The following PMS2 variants were observed in gnomAD, a reference collection of about 807,000 sequenced individuals.
PMS2 encodes the protein mismatch repair endonuclease PMS2.
Under a neutral mutation model 90.0 loss-of-function variants are expected in PMS2, and 69 were observed. That is an observed-to-expected ratio of 0.77 (90% confidence interval 0.63 to 0.94). The LOEUF (loss-of-function observed/expected upper bound fraction) is 0.94. Ranked by LOEUF, PMS2 falls within the 40% of genes least tolerant of loss-of-function variation. The pLI, the probability that PMS2 is intolerant of heterozygous loss-of-function variation, is 0.00. For missense variants in PMS2, 966 were observed against 1,040.2 expected (o/e 0.93, Z 0.98); for synonymous variants, 332 against 375.1 (o/e 0.89, Z 1.33).
At position 5,987,541 on chromosome 7, in the gene PMS2, A is replaced by G. The variant is rs1554298007; in HGVS notation, c.1224T>C (p.Thr408=). ...EKQDQSPSLR[T]GEEKKDVSIS... is the part of the protein sequence containing the mutation. ...TGGACACGTCTTTTTTTTCTTCTCC[A>G]GTCCTTAATGAAGGGGATTGATCCT... The change falls in exon 11 of 15, where the codon ACT becomes ACC. Residue 408 remains threonine (T), a synonymous_variant. Transcript: ENST00000265849. The G allele has an allele frequency of 1.9e-6, 3 of 1,614,024 alleles. No homozygotes were observed. The highest frequency in any genetic ancestry group is 1.7e-6 in the Non-Finnish European group (2 of 1,179,992).
intron 11 of PMS2, among the ~76,000 whole-genome samples, 162 bp downstream of exon 11, chr7:5,986,597 C>T (rs532791288): frequency 3.6e-4 from 54 of 150,700 alleles, no homozygotes; most frequent in African/African-American, 1.2e-3. Context: ...GAGGCTGAGG[C>T]AGGAGAAACG....
intron 6 of PMS2, among the ~76,000 whole-genome samples, chr7:5,998,399 A>C (rs1784672923): frequency 6.7e-6 from 1 of 149,692 alleles, no homozygotes; most frequent in African/African-American, 2.4e-5. Flanking sequence ...GCACTTTAAA[A>C]ATCAATTCTT....
chr7:5,995,978 A>G (rs1784353759), intron 7 of PMS2, among the ~76,000 whole-genome samples: 1 of 152,024 alleles, frequency 6.6e-6, no homozygotes, highest in Non-Finnish European at 1.5e-5. Flanking sequence ...CCGTGCTGCC[A>G]CCCCTGGTTT....
rs1035928436 is a variant in PMS2, at chr7:6,006,107, G to A, written c.24-76C>T. The A allele has an allele frequency of 1.4e-4, 203 of 1,481,546 alleles. 1 individual carries two copies. In the Admixed American group the frequency reaches 3.3e-3, roughly 24 times the overall value. 91.8% of individuals were successfully genotyped at this position (1,481,546 alleles called of 1,614,324 possible). ...CATCCTGATTTTAACTGTGGGAAATGACTCAACACTGTAAATAATTTATGG... is the reference window on the plus strand; with the variant it reads ...CATCCTGATTTTAACTGTGGGAAATAACTCAACACTGTAAATAATTTATGG... On this transcript the variant is annotated intron_variant, in intron 1 of 14. Coordinates refer to ENST00000265849, the MANE Select transcript of PMS2 (RefSeq NM_000535.7).
At chr7:5,977,093 C>T (rs1173222139) in intron 14 of PMS2, among the ~76,000 whole-genome samples, 1 of 150,280 alleles carries the variant, frequency 6.7e-6, no homozygotes, top group Non-Finnish European at 1.5e-5. Flanking sequence ...CTCGCTCTGT[C>T]GCCCAGGTTG....
Position 5,973,200 on chromosome 7 carries a change from T to C in PMS2, c.*199A>G, listed in dbSNP as rs1781458845. ...GCCTGGACACACACACACGAGCGCA[T>C]GCAAACATAGAGAAAAAAAATTTGC... On this transcript the variant is annotated 3_prime_UTR_variant, in exon 15 of 15. Coordinates refer to ENST00000265849, the MANE Select transcript of PMS2 (RefSeq NM_000535.7). The C allele has an allele frequency of 1.0e-5, 5 of 488,738 alleles. 1 individual carries two copies. The highest frequency in any genetic ancestry group is 1.1e-5 in the Non-Finnish European group (3 of 266,050). The allele number at this position is 488,738 out of a possible 1,614,324, so 30.3% of individuals were successfully genotyped here.
At chr7:5,997,208 C>T (rs939154222) in intron 7 of PMS2, 118 bp downstream of exon 7, 52 of 679,636 alleles carry the variant, frequency 7.7e-5, no homozygotes, top group East Asian at 6.0e-4. Flanking sequence ...AGCAAGACTC[C>T]GTCTCAAGAA....
Position 5,991,978 on chromosome 7 carries a change from T to C in PMS2, c.983A>G (p.Asp328Gly), listed in dbSNP as rs587782852. The change falls in exon 9 of 15, where the codon GAT (aspartate) becomes GGT (glycine). Residue 328 changes from aspartate (D) to glycine (G), a missense_variant. This residue lies in a region of PMS2 where 871 missense variants were observed against 802.4 expected (regional missense o/e 1.09). Coordinates refer to ENST00000265849, the MANE Select transcript of PMS2 (RefSeq NM_000535.7). The stretch of plus-strand genomic sequence containing the variant: ...GAAATGCCAATGGAACTTACCTGAA[T>C]CAACAGAAATGTTAAGAACAACAAA... ...YPFVVLNISV[D>G]SECVDINVTP... 2.3e-5 allele frequency: 36 copies of C among 1,534,076 alleles called. No homozygotes were observed. The highest frequency in any genetic ancestry group is 2.9e-5 in the Non-Finnish European group (32 of 1,107,256).
At chr7:5,993,429 A>AAGT (rs1554299929) in intron 8 of PMS2, among the ~76,000 whole-genome samples, 1 of 147,726 alleles carries the variant, frequency 6.8e-6, no homozygotes, top group Admixed American at 6.9e-5. Flanking sequence ...CTGAGGTACA[A>AAGT]TGTGTTGCTA....
intron 9 of PMS2, 34 bp from the exon 10 acceptor site, chr7:5,989,989 TAAA>T: frequency 7.5e-7 from 1 of 1,332,254 alleles, no homozygotes; most frequent in Non-Finnish European, 1.1e-6. Context: ...TTATTATGTT[TAAA>T]TTCACTTTTA....
rs1060504838 is a variant in PMS2, at chr7:5,989,819, C to T, written c.1125G>A (p.Gln375=). 2 of 1,612,872 alleles carry T rather than the reference C, an allele frequency of 1.2e-6. No homozygotes were observed. The highest frequency in any genetic ancestry group is 1.7e-6 in the Non-Finnish European group (2 of 1,179,058). ...TCTTACCTTCAACATCCAGCAGTGG[C>T]TGCTGACTGACATTTAGCTTGTTGA... The part of the protein sequence containing the change: ...SDVNKLNVSQ[Q]PLLDVEGNLI... Residue 375 remains glutamine (Q), a synonymous_variant, in exon 10 of 15, where the codon CAG becomes CAA. Coordinates refer to ENST00000265849, the MANE Select transcript of PMS2 (RefSeq NM_000535.7).
At chr7:5,982,509 G>A (rs1184298830) in intron 12 of PMS2, among the ~76,000 whole-genome samples, 1 of 151,786 alleles carries the variant, frequency 6.6e-6, no homozygotes, top group Non-Finnish European at 1.5e-5. Flanking sequence ...TGGCCTTTTT[G>A]TATTTTTAGT....
rs1554297654 is a variant in PMS2, at chr7:5,987,247, G to A, written c.1518C>T (p.Phe506=). The A allele has an allele frequency of 6.2e-6, 10 of 1,614,052 alleles. No individual in the cohort carries two copies. Among genetic ancestry groups the A allele is most frequent in the African/African-American group, 1.3e-5 (1 of 75,018 alleles). ...HGSTSVDSEG[F]SIPDTGSHCS... The stretch of plus-strand genomic sequence containing the variant: ...AGTGACTGCCCGTGTCTGGGATGCT[G>A]AACCCCTCAGAATCCACGGAAGTGC... Residue 506 remains phenylalanine (F), a synonymous_variant, in exon 11 of 15, where the codon TTC becomes TTT. Transcript: ENST00000265849.
chr7:5,995,588 A>T lies in PMS2; in HGVS notation c.849T>A (p.Ser283Arg), dbSNP rs1277038817. The change falls in exon 8 of 15, where the codon AGT becomes AGA. Residue 283 changes from serine (S) to arginine (R), a missense_variant. Ser to Arg is a moderately radical substitution (Grantham distance 110, BLOSUM62 -1). Coordinates refer to ENST00000265849, the MANE Select transcript of PMS2 (RefSeq NM_000535.7). The part of the protein sequence containing the change: ...ISQCTHGVGR[S>R]STDRQFFFIN... The stretch of plus-strand genomic sequence containing the variant: ...TAAAGAAAAACTGTCTGTCTGTTGA[A>T]CTCCTTCCAACTCCATGCGTGCATT... 1.2e-6 allele frequency: 2 copies of T among 1,613,580 alleles called. No individual in the cohort carries two copies. The highest frequency in any genetic ancestry group is 2.7e-5 in the African/African-American group (2 of 74,838).
chr7:5,979,358 T>A (rs916624601), intron 12 of PMS2, among the ~76,000 whole-genome samples: 1 of 145,358 alleles, frequency 6.9e-6, no homozygotes, highest in Non-Finnish European at 1.5e-5. Flanking sequence ...ACCACTGCAC[T>A]CCAGCCTGGG....
In PMS2 at chr7:5,979,559, T is replaced by C. The variant is rs577302484; in HGVS notation, c.2175-863A>G. Among the ~76,000 whole-genome samples, 56 of 149,754 alleles carry C rather than the reference T, an allele frequency of 3.7e-4. 2 individuals carry two copies. In the Middle Eastern group the frequency reaches 0.01, roughly 27 times the overall value. On this transcript the variant is annotated intron_variant, in intron 12 of 14. Transcript: ENST00000265849. ...GAATTTGAAACACTGGGTTAGGTCATTGCCAGCATTTGTAAACAGAATGAA... is the reference window on the plus strand; with the variant it reads ...GAATTTGAAACACTGGGTTAGGTCACTGCCAGCATTTGTAAACAGAATGAA...
chr7:5,989,841 T>G lies in PMS2; in HGVS notation c.1103A>C (p.Asn368Thr), dbSNP rs777814445. Residue 368 changes from asparagine (N) to threonine (T), a missense_variant, in exon 10 of 15, where the codon AAC becomes ACC. By Grantham distance (65) the Asn-to-Thr change is moderately conservative (BLOSUM62 0). Coordinates refer to ENST00000265849, the MANE Select transcript of PMS2 (RefSeq NM_000535.7). ...SLIGMFDSDV[N>T]KLNVSQQPLL... ...TGGCTGCTGACTGACATTTAGCTTG[T>G]TGACATCACTATCAAACATTCCTAT... 1 of 1,613,150 alleles carries G rather than the reference T, an allele frequency of 6.2e-7. No homozygotes were observed. Among genetic ancestry groups the G allele is most frequent in the Non-Finnish European group, 8.5e-7 (1 of 1,179,278 alleles).
chr7:6,006,505 T>G (rs1164338021), intron 1 of PMS2, among the ~76,000 whole-genome samples: 1 of 151,954 alleles, frequency 6.6e-6, no homozygotes, highest in Non-Finnish European at 1.5e-5. Flanking sequence ...TACAAAAAAT[T>G]AGCCAGGCAT....
chr7:6,004,236 C>T (rs1785454179), intron 2 of PMS2, 178 bp from the exon 3 acceptor site: 2 of 552,848 alleles, frequency 3.6e-6, no homozygotes, highest in African/African-American at 3.8e-5. Context: ...TATTTACTAG[C>T]CCAGACTAAA....
Sources: gnomAD v4.1 joint callset for allele counts (sites outside exome capture counted in the v4.1 genomes callset) on GRCh38, gnomAD v4.1.1 for gene constraint, gnomAD v4.1.1 regional missense constraint, MANE v1.5 for transcripts, NCBI Gene and HGNC (gene_info 2026-07-23, HGNC 2026-07-21) for gene names.